Variants in KCNAB1 observed in about 807,000 individuals in gnomAD.
KCNAB1 encodes voltage-gated potassium channel subunit beta-1.
KCNAB1 carries 35 observed loss-of-function variants against 64.6 expected under a neutral mutation model. That is an observed-to-expected ratio of 0.54 (90% confidence interval 0.41 to 0.72). KCNAB1 has a LOEUF of 0.72. Among genes scored for constraint, KCNAB1 ranks in the 30% least tolerant of loss-of-function variants. The pLI is 0.00. For synonymous variants in KCNAB1, 177 were observed against 183.8 expected (o/e 0.96, Z 0.30); for missense variants, 401 against 512.9 (o/e 0.78, Z 2.11).
intron 1 of KCNAB1, among the ~76,000 whole-genome samples, chr3:156,409,739 G>A (rs1272194306): frequency 6.6e-6 from 1 of 152,196 alleles, no homozygotes; most frequent in African/African-American, 2.4e-5. Context: ...CCACTTCACT[G>A]CTGGTCACTG....
intron 1 of KCNAB1, among the ~76,000 whole-genome samples, chr3:156,168,510 A>C (rs1358624793): frequency 6.6e-6 from 1 of 152,192 alleles, no homozygotes; most frequent in Admixed American, 6.5e-5. Flanking sequence ...TATTCATCTA[A>C]ATATTTTTCA....
chr3:156,394,393 T>C (rs558789869), intron 1 of KCNAB1, among the ~76,000 whole-genome samples: 6 of 152,164 alleles, frequency 3.9e-5, no homozygotes, highest in African/African-American at 7.2e-5. Context: ...GTGGGGGAAG[T>C]TGGGCTAAGA....
rs149548339 is a variant in KCNAB1, at chr3:156,144,677, G to A, written c.275+23791G>A. On this transcript the variant is annotated intron_variant, in intron 1 of 13. Coordinates refer to ENST00000490337, the MANE Select transcript of KCNAB1 (RefSeq NM_172160.3). ...TTTTCTCTCTTCTCCGTGTTTCCTC[G>A]ACCCTCAGTGGTGGTAGTGATGGTG... Among the ~76,000 whole-genome samples, 528 of 152,190 alleles carry A rather than the reference G, an allele frequency of 3.5e-3. 2 individuals carry two copies. The highest frequency in any genetic ancestry group is 0.012 in the African/African-American group (494 of 41,504).
intron 1 of KCNAB1, among the ~76,000 whole-genome samples, chr3:156,398,506 G>C (rs1713641371): frequency 6.6e-6 from 1 of 151,090 alleles, no homozygotes; most frequent in Non-Finnish European, 1.5e-5. Flanking sequence ...GCAGGAGAAT[G>C]GCATGAACCC....
intron 1 of KCNAB1, among the ~76,000 whole-genome samples, chr3:156,200,264 T>C (rs891414507): frequency 2.0e-4 from 31 of 152,210 alleles, no homozygotes; most frequent in African/African-American, 7.0e-4. Context: ...TGTTGACATC[T>C]GCTAGGAGGT....
chr3:156,488,308 AAG>A (rs1553754133), intron 8 of KCNAB1, among the ~76,000 whole-genome samples: 46 of 151,422 alleles, frequency 3.0e-4, no homozygotes, highest in Non-Finnish European at 4.7e-4. Context: ...AAAAAAAAAA[AAG>A]AAAAACTAAA....
In KCNAB1 at chr3:156,416,260, G is replaced by T. The variant is rs1259849566; in HGVS notation, c.276-5356G>T. 3.3e-5 allele frequency among the ~76,000 whole-genome samples: 5 copies of T among 152,150 alleles called. No individual in the cohort carries two copies. In the East Asian group the frequency reaches 9.6e-4, roughly 29 times the overall value. ...TTACTCCATATTAAGGTCAAAATCTGCAACATAATCTTTAAGGCACTGTTT... is the reference window on the plus strand; with the variant it reads ...TTACTCCATATTAAGGTCAAAATCTTCAACATAATCTTTAAGGCACTGTTT... On this transcript the variant is annotated intron_variant, in intron 1 of 13. Coordinates refer to ENST00000490337, the MANE Select transcript of KCNAB1 (RefSeq NM_172160.3).
intron 1 of KCNAB1, among the ~76,000 whole-genome samples, chr3:156,372,706 G>A (rs1726396840): frequency 6.6e-6 from 1 of 152,206 alleles, no homozygotes; most frequent in Non-Finnish European, 1.5e-5. Flanking sequence ...GCTTCAACAA[G>A]AGGACACTGT....
rs78258256 is a variant in KCNAB1 at position 156,274,099 on chromosome 3, G to A, written c.276-147517G>A. 6.3e-3 allele frequency among the ~76,000 whole-genome samples: 964 copies of A among 152,288 alleles called. 6 individuals are homozygous for A. The highest frequency in any genetic ancestry group is 0.012 in the African/African-American group (499 of 41,556). On this transcript the variant is annotated intron_variant, in intron 1 of 13. Transcript: ENST00000490337. ...AATATTAATAGCTGATTTAAGGATAGATGATACACAAAGAGGAAAAAACAA... is the reference window on the plus strand; with the variant it reads ...AATATTAATAGCTGATTTAAGGATAAATGATACACAAAGAGGAAAAAACAA...
chr3:156,205,936 C>T (rs1278631431), intron 1 of KCNAB1, among the ~76,000 whole-genome samples: 3 of 152,332 alleles, frequency 2.0e-5, no homozygotes, highest in South Asian at 2.1e-4. Flanking sequence ...TCCTAGAAGA[C>T]GTCATGCTCT....
intron 1 of KCNAB1, among the ~76,000 whole-genome samples, chr3:156,243,351 A>G (rs1042809727): frequency 2.0e-5 from 3 of 152,038 alleles, no homozygotes; most frequent in Admixed American, 6.6e-5. Flanking sequence ...CAGCCTCCTG[A>G]ATAGCTGGGA....
chr3:156,274,266 T>C (rs1362764520), intron 1 of KCNAB1, among the ~76,000 whole-genome samples: 2 of 152,164 alleles, frequency 1.3e-5, no homozygotes, highest in African/African-American at 4.8e-5. Flanking sequence ...CAAGAAGACA[T>C]TGAAAATCTG....
At chr3:156,312,761 A>T (rs1481699613) in intron 1 of KCNAB1, among the ~76,000 whole-genome samples, 2 of 149,112 alleles carry the variant, frequency 1.3e-5, no homozygotes, top group Non-Finnish European at 3.0e-5. Context: ...TTCTATGTGC[A>T]TTCGAGTGGT....
At chr3:156,131,110 A>G (rs1276845212) in intron 1 of KCNAB1, among the ~76,000 whole-genome samples, 2 of 152,152 alleles carry the variant, frequency 1.3e-5, no homozygotes, top group East Asian at 3.9e-4. Flanking sequence ...AGGTCTTTCA[A>G]ATTGTAGACT....
chr3:156,304,903 G>A (rs1336969815), intron 1 of KCNAB1, among the ~76,000 whole-genome samples: 1 of 152,122 alleles, frequency 6.6e-6, no homozygotes, highest in Non-Finnish European at 1.5e-5. Context: ...TTTATGGCAA[G>A]TATTTATCCT....
At chr3:156,469,570 TA>T (rs929943553) in intron 7 of KCNAB1, among the ~76,000 whole-genome samples, 1 of 152,178 alleles carries the variant, frequency 6.6e-6, no homozygotes, top group African/African-American at 2.4e-5. Context: ...CCTCCACCTT[TA>T]AATAAGTCAG....
At chr3:156,256,776 A>T (rs78237006) in intron 1 of KCNAB1, among the ~76,000 whole-genome samples, 2,636 of 152,250 alleles carry the variant, frequency 0.017, 51 homozygotes, top group South Asian at 0.022. Context: ...GTGCCCCAGG[A>T]GGCTGTCCTG....
At chr3:156,397,238 A>G (rs1713529777) in intron 1 of KCNAB1, among the ~76,000 whole-genome samples, 1 of 152,218 alleles carries the variant, frequency 6.6e-6, no homozygotes, top group Admixed American at 6.5e-5. Flanking sequence ...TCTATGATTC[A>G]GTGTTCTCCT....
In KCNAB1 at chr3:156,181,055, CTG is replaced by C. The variant is rs1334242188; in HGVS notation, c.275+60173_275+60174del. On this transcript the variant is annotated intron_variant, in intron 1 of 13. Transcript: ENST00000490337. The stretch of plus-strand genomic sequence containing the variant: ...TGTCCTCATATGGCCATCCTTTACT[CTG>C]TGTCTGTATTGTAACCTCCTTTTCT... 2.6e-5 allele frequency among the ~76,000 whole-genome samples: 4 copies of C among 152,182 alleles called. No homozygotes were observed. In the East Asian group the frequency reaches 5.8e-4, roughly 22 times the overall value.
Sources: gnomAD v4.1 joint callset for allele counts (sites outside exome capture counted in the v4.1 genomes callset) on GRCh38, gnomAD v4.1.1 for gene constraint, MANE v1.5 for transcripts, NCBI Gene and HGNC (gene_info 2026-07-23, HGNC 2026-07-21) for gene names.